The following AP2A1 variants were observed in gnomAD, a reference collection of about 807,000 sequenced individuals.
The protein encoded by AP2A1 is AP-2 complex subunit alpha-1.
AP2A1 carries 21 observed loss-of-function variants against 107.3 expected under a neutral mutation model. The ratio of observed to expected loss-of-function variants is 0.20; its 90% CI spans 0.14 to 0.28. The LOEUF (loss-of-function observed/expected upper bound fraction) is 0.28. Ranked by LOEUF, AP2A1 falls within the 10% of genes least tolerant of loss-of-function variation. The pLI, the probability that AP2A1 is intolerant of heterozygous loss-of-function variation, is 1.00. For synonymous variants in AP2A1, 602 were observed against 564.8 expected (o/e 1.07, Z -0.93); for missense variants, 873 against 1,307.7 (o/e 0.67, Z 5.13).
chr19:49,793,151 A>G, intron 6 of AP2A1, 59 bp downstream of exon 6: 3 of 1,457,286 alleles, frequency 2.1e-6, no homozygotes, highest in Non-Finnish European at 2.8e-6. Flanking sequence ...ATGCCCTCTG[A>G]CACCCCTCAG....
chr19:49,799,964 G>T lies in AP2A1; in HGVS notation c.1273-4G>T. 6.2e-7 allele frequency: 1 copy of T among 1,612,316 alleles called. No homozygotes were observed. Among genetic ancestry groups the T allele is most frequent in the Non-Finnish European group, 8.5e-7 (1 of 1,178,490 alleles). ...ACACTCTCTCTCACACGCCCCGGCG[G>T]CAGGTCCTGAAGGTGGCCATCCTGG... On this transcript the variant is annotated splice_polypyrimidine_tract_variant and splice_region_variant and intron_variant, in intron 10 of 22. Coordinates refer to ENST00000354293, the MANE Select transcript of AP2A1 (RefSeq NM_130787.3).
chr19:49,767,024 G>T lies in AP2A1; in HGVS notation c.-110G>T. 2 of 964,276 alleles carry T rather than the reference G, an allele frequency of 2.1e-6. No homozygotes were observed. Among genetic ancestry groups the T allele is most frequent in the East Asian group, 4.1e-5 (1 of 24,248 alleles). 59.7% of individuals were successfully genotyped at this position (964,276 alleles called of 1,614,324 possible). A position where few individuals can be genotyped will look rare whatever the true frequency, so the allele number is the denominator to read the frequency against. On this transcript the variant is annotated 5_prime_UTR_variant, in exon 1 of 23. Coordinates refer to ENST00000354293, the MANE Select transcript of AP2A1 (RefSeq NM_130787.3). ...CCGCCAGCCAGCCCTCCCCGCGGCC[G>T]GCTCGGCTCCTTGGCGCTGCCTGGG...
At chr19:49,805,623 G>T (rs1313613527) in intron 19 of AP2A1, 38 bp from the exon 20 acceptor site, 9 of 1,552,354 alleles carry the variant, frequency 5.8e-6, no homozygotes, top group Non-Finnish European at 7.0e-6. Flanking sequence ...CCGGGGTGAG[G>T]GGCGGGGCCT....
chr19:49,806,041 G>GT, intron 21 of AP2A1, 78 bp from the exon 22 acceptor site: 3 of 1,606,822 alleles, frequency 1.9e-6, no homozygotes. Flanking sequence ...ATCCCCAAGG[G>GT]TTTTTTGGGA....
At chr19:49,768,334 G>T (rs763720190) in intron 1 of AP2A1, among the ~76,000 whole-genome samples, 2 of 152,118 alleles carry the variant, frequency 1.3e-5, no homozygotes, top group Non-Finnish European at 2.9e-5. Context: ...CATGGGCTCT[G>T]GGGTCAGCCA....
rs576348881 is a variant in AP2A1, at chr19:49,789,228, G to A, written c.474-2707G>A. Among the ~76,000 whole-genome samples the A allele has an allele frequency of 3.3e-5, 5 of 152,238 alleles. No homozygotes were observed. The East Asian group carries it at 7.7e-4, about 23-fold the overall frequency. ...CCCTTTACTGATAGGCCATGGCTGG[G>A]CCAGTCTTGACAGCTCCCAGCACCT... is the stretch of plus-strand genomic sequence containing the variant. On this transcript the variant is annotated intron_variant, in intron 4 of 22. Transcript: ENST00000354293.
chr19:49,776,086 C>T (rs1478309791), intron 1 of AP2A1, among the ~76,000 whole-genome samples: 1 of 152,162 alleles, frequency 6.6e-6, no homozygotes, highest in African/African-American at 2.4e-5. Flanking sequence ...CTCACGGCAA[C>T]AGCCACTGGA....
At position 49,807,097 on chromosome 19, in the gene AP2A1, A is replaced by C; in HGVS notation, c.*339A>C. The C allele has an allele frequency of 6.2e-7, 1 of 1,608,676 alleles. No homozygotes were observed. Among genetic ancestry groups the C allele is most frequent in the Non-Finnish European group, 8.5e-7 (1 of 1,178,964 alleles). On this transcript the variant is annotated 3_prime_UTR_variant, in exon 23 of 23. Coordinates refer to ENST00000354293, the MANE Select transcript of AP2A1 (RefSeq NM_130787.3). Reference sequence around the variant, plus strand: ...GGCTGTGTATTATTGTGAGCGAATAAACAGAGAGACGCTAACAGCCCCATG... The same window carrying C: ...GGCTGTGTATTATTGTGAGCGAATACACAGAGAGACGCTAACAGCCCCATG...
Position 49,803,019 on chromosome 19 carries a change from G to A in AP2A1, c.2171+14G>A, listed in dbSNP as rs755100373. 5.6e-5 allele frequency: 90 copies of A among 1,613,668 alleles called. No homozygotes were observed. The highest frequency in any genetic ancestry group is 7.1e-5 in the Non-Finnish European group (84 of 1,179,838). On this transcript the variant is annotated intron_variant, in intron 16 of 22. Transcript: ENST00000354293. The stretch of plus-strand genomic sequence containing the variant: ...GTTGCTGAATAAGTGAGTCCTGGGA[G>A]TGGTGGGGGAGGGGAACGGGACAGG...
In AP2A1 at chr19:49,793,027, C is replaced by G; in HGVS notation, c.640C>G (p.Leu214Val). Reference protein sequence around the residue: ...VTAAVSLITCLCKKNPDDFKT... With the variant: ...VTAAVSLITCVCKKNPDDFKT... ...GGCCGCCGTCAGCCTCATCACCTGTCTCTGCAAGAAGAACCCAGATGACTT... is the reference window on the plus strand; with the variant it reads ...GGCCGCCGTCAGCCTCATCACCTGTGTCTGCAAGAAGAACCCAGATGACTT... The change falls in exon 6 of 23, where the codon CTC becomes GTC. Residue 214 changes from leucine to valine, a missense_variant. Leu to Val is a conservative substitution (Grantham distance 32). This residue lies in a region of AP2A1 where 157 missense variants were observed against 212.6 expected (regional missense o/e 0.74). Transcript: ENST00000354293. 3 of 1,610,398 alleles carry G rather than the reference C, an allele frequency of 1.9e-6. No individual in the cohort carries two copies. The highest frequency in any genetic ancestry group is 2.5e-6 in the Non-Finnish European group (3 of 1,178,414).
At chr19:49,804,691 C>T (rs2073338311) in intron 18 of AP2A1, among the ~76,000 whole-genome samples, 1 of 152,320 alleles carries the variant, frequency 6.6e-6, no homozygotes, top group South Asian at 2.1e-4. Flanking sequence ...TTGCTACCAT[C>T]TTTGTGTACT....
intron 22 of AP2A1, 105 bp downstream of exon 22, chr19:49,806,358 C>G (rs2073383150): frequency 4.8e-4 from 651 of 1,359,048 alleles, no homozygotes; most frequent in Non-Finnish European, 5.9e-4. Flanking sequence ...CCCACTTTGA[C>G]CCTCCTCCTC....
intron 4 of AP2A1, among the ~76,000 whole-genome samples, chr19:49,786,085 AAAAC>A (rs1391466726): frequency 1.3e-5 from 2 of 152,130 alleles, no homozygotes; most frequent in African/African-American, 4.8e-5. Context: ...ATCTTAACAA[AAAAC>A]AAACAAACAA....
intron 7 of AP2A1, chr19:49,797,219 CCT>C (rs1415450551): frequency 6.6e-6 from 1 of 152,160 alleles, no homozygotes; most frequent in African/African-American, 2.4e-5. Context: ...CCCTGTGTCA[CCT>C]CCTTTTCAGC....
chr19:49,783,153 A>C (rs1271187666), intron 4 of AP2A1, among the ~76,000 whole-genome samples: 1 of 152,116 alleles, frequency 6.6e-6, no homozygotes, highest in Non-Finnish European at 1.5e-5. Context: ...TCCTGTGTTC[A>C]TGGTCTGGAG....
chr19:49,798,930 A>G lies in AP2A1; in HGVS notation c.943A>G (p.Ser315Gly). 1 of 1,553,564 alleles carries G rather than the reference A, an allele frequency of 6.4e-7. No homozygotes were observed. Among genetic ancestry groups the G allele is most frequent in the Non-Finnish European group, 8.7e-7 (1 of 1,148,070 alleles). The change falls in exon 8 of 23, where the codon AGC (serine) becomes GGC (glycine). Residue 315 changes from serine to glycine, a missense_variant. By Grantham distance (56) the Ser-to-Gly change is moderately conservative (BLOSUM62 0). This residue lies in a region of AP2A1 where 213 missense variants were observed against 443.5 expected (regional missense o/e 0.48). Coordinates refer to ENST00000354293, the MANE Select transcript of AP2A1 (RefSeq NM_130787.3). ...AKNAILFETI[S>G]LIIHYDSEPN... Reference sequence around the variant, plus strand: ...GAACGCCATCCTCTTCGAGACCATCAGCCTCATCATCCACTATGACAGGTG... The same window carrying G: ...GAACGCCATCCTCTTCGAGACCATCGGCCTCATCATCCACTATGACAGGTG...
In AP2A1 at chr19:49,805,920, C is replaced by T. The variant is rs1363064818; in HGVS notation, c.2634C>T (p.Asp878=). ...QKIFKANHPM[D]AEVTKAKLLG... is the part of the protein sequence containing the mutation. ...TCTTCAAAGCCAACCACCCCATGGA[C>T]GCAGAAGTTACTAAGGCCAAGGTGA... The change falls in exon 21 of 23, where the codon GAC becomes GAT. Residue 878 remains aspartate (D), a synonymous_variant. Coordinates refer to ENST00000354293, the MANE Select transcript of AP2A1 (RefSeq NM_130787.3). 4.5e-5 allele frequency: 72 copies of T among 1,613,728 alleles called. No individual in the cohort carries two copies. The highest frequency in any genetic ancestry group is 5.9e-5 in the Non-Finnish European group (70 of 1,179,896).
rs1305274815 is a variant in AP2A1, at chr19:49,789,796, G to GC, written c.474-2136dup. On this transcript the variant is annotated intron_variant, in intron 4 of 22. Transcript: ENST00000354293. ...TCCTCATTTTCCTGAAGGGGAAACA[G>GC]CCCATCAGAGAGGGTCAGTGGCTTA... 1.1e-4 allele frequency among the ~76,000 whole-genome samples: 17 copies of GC among 152,238 alleles called. No individual in the cohort carries two copies. The South Asian group carries it at 3.3e-3, about 30-fold the overall frequency.
chr19:49,769,701 G>A (rs543443303), intron 1 of AP2A1, among the ~76,000 whole-genome samples: 1 of 152,246 alleles, frequency 6.6e-6, no homozygotes, highest in Non-Finnish European at 1.5e-5. Flanking sequence ...ATTTTGAGCA[G>A]GGGAGGGATG....
Sources: allele counts gnomAD v4.1 joint callset (sites outside exome capture counted in the v4.1 genomes callset), GRCh38; gene constraint gnomAD v4.1.1; regional missense constraint gnomAD v4.1.1; transcripts MANE v1.5; gene names NCBI Gene and HGNC (gene_info 2026-07-23, HGNC 2026-07-21).